Variants in AFAP1 observed in about 807,000 individuals in gnomAD.
AFAP1 encodes actin filament associated protein 1.
AFAP1 carries 75 observed loss-of-function variants against 93.9 expected under a neutral mutation model. That is an observed-to-expected ratio of 0.80 (90% CI 0.66 to 0.97). The LOEUF is 0.97. Among genes scored for constraint, AFAP1 ranks in the 50% least tolerant of loss-of-function variants. The pLI is 0.00. For synonymous variants in AFAP1, 517 were observed against 430.7 expected (o/e 1.20, Z -2.48); for missense variants, 1,201 against 1,050.8 (o/e 1.14, Z -1.98).
At chr4:7,862,043 C>CT (rs1715763717) in intron 3 of AFAP1, 1 of 152,214 alleles carries the variant, frequency 6.6e-6, no homozygotes, top group African/African-American at 2.4e-5. Flanking sequence ...CAAAACTTCA[C>CT]TGTTTCAGGC....
Position 7,875,428 on chromosome 4 carries a change from T to C in AFAP1, c.-2-3348A>G, listed in dbSNP as rs115566619. Among the ~76,000 whole-genome samples, 899 of 152,306 alleles carry C rather than the reference T, an allele frequency of 5.9e-3. 7 individuals carry two copies. Among genetic ancestry groups the C allele is most frequent in the African/African-American group, 0.019 (787 of 41,558 alleles). The stretch of plus-strand genomic sequence containing the variant: ...TTTCAATTAAGGTCTTTTTCATTAA[T>C]CAATTTCTTGATTCTAAGCAATCTC... On this transcript the variant is annotated intron_variant, in intron 1 of 17. Transcript: ENST00000420658.
At chr4:7,848,817 T>C (rs1241820432) in intron 4 of AFAP1, among the ~76,000 whole-genome samples, 3 of 152,210 alleles carry the variant, frequency 2.0e-5, no homozygotes, top group Admixed American at 6.5e-5. Context: ...ACTAGTTTCA[T>C]GGGCAGGAAT....
At chr4:7,909,644 G>T (rs574365194) in intron 1 of AFAP1, among the ~76,000 whole-genome samples, 1 of 152,098 alleles carries the variant, frequency 6.6e-6, no homozygotes, top group African/African-American at 2.4e-5. Context: ...GTTCCAAAGC[G>T]CAAGAGCCAT....
chr4:7,808,879 G>A (rs986787864), intron 9 of AFAP1, among the ~76,000 whole-genome samples: 13 of 152,058 alleles, frequency 8.5e-5, no homozygotes, highest in African/African-American at 2.7e-4. Flanking sequence ...CCCTTGCCAC[G>A]AGTAAAAGCT....
Position 7,793,782 on chromosome 4 carries a change from G to T in AFAP1, c.1311C>A (p.Leu437=). 1 of 1,565,776 alleles carries T rather than the reference G, an allele frequency of 6.4e-7. No individual in the cohort carries two copies. The highest frequency in any genetic ancestry group is 1.2e-5 in the South Asian group (1 of 86,826). The part of the protein sequence containing the change: ...EDMGRWIGIL[L]AETGSSTDPE... ...GGTCTGTGGACGATCCCGTCTCTGC[G>T]AGTAAAATCCCAATCCACCTGCCCA... is the stretch of plus-strand genomic sequence containing the variant. Residue 437 remains leucine, a synonymous_variant, in exon 11 of 18, where the codon CTC becomes CTA. Transcript: ENST00000420658.
intron 3 of AFAP1, among the ~76,000 whole-genome samples, chr4:7,858,412 A>C (rs114723369): frequency 0.017 from 2,547 of 152,274 alleles, 76 homozygotes; most frequent in African/African-American, 0.058. Context: ...CCACTCTCAA[A>C]TACCACTTAT....
At position 7,772,843 on chromosome 4, in the gene AFAP1, T is replaced by G; in HGVS notation, c.2230A>C (p.Lys744Gln). Reference protein sequence around the residue: ...GVTLGLAIEPKSGTSSPQSPV... With the variant: ...GVTLGLAIEPQSGTSSPQSPV... ...ACCTGTGGACTCGATGTCCCTGACT[T>G]GGGCTCGATGGCCAGCCCCAGGGTG... Residue 744 changes from lysine to glutamine, a missense_variant, in exon 16 of 18, where the codon AAG becomes CAG. Lys to Gln is a moderately conservative substitution (Grantham distance 53, BLOSUM62 1). Transcript: ENST00000420658. 1 of 1,613,974 alleles carries G rather than the reference T, an allele frequency of 6.2e-7. No individual in the cohort carries two copies. The highest frequency in any genetic ancestry group is 8.5e-7 in the Non-Finnish European group (1 of 1,179,970).
chr4:7,848,973 A>C (rs1465659705), intron 4 of AFAP1, among the ~76,000 whole-genome samples: 1 of 152,216 alleles, frequency 6.6e-6, no homozygotes, highest in Non-Finnish European at 1.5e-5. Context: ...CAGAGCCAGC[A>C]ACGGTGCCCT....
chr4:7,774,893 C>A lies in AFAP1; in HGVS notation c.1908G>T (p.Gln636His). ...CTACCCGGTTCTTGCCATACTTGTA[C>A]TGGGCAGCATCTTGAGAAGAAAAAA... ...VVKRTGSNAA[Q>H]YKYGKNRVEA... Residue 636 changes from glutamine (Q) to histidine (H), a missense_variant, in exon 15 of 18, where the codon CAG (glutamine) becomes CAT (histidine). Coordinates refer to ENST00000420658, the MANE Select transcript of AFAP1 (RefSeq NM_001134647.2). 6.2e-7 allele frequency: 1 copy of A among 1,613,044 alleles called. No individual in the cohort carries two copies. The highest frequency in any genetic ancestry group is 8.5e-7 in the Non-Finnish European group (1 of 1,179,824).
intron 1 of AFAP1, among the ~76,000 whole-genome samples, chr4:7,879,573 A>G (rs1202529534): frequency 6.6e-6 from 1 of 152,166 alleles, no homozygotes; most frequent in Non-Finnish European, 1.5e-5. Flanking sequence ...GGAATTTAGC[A>G]TTCCCAAAGT....
chr4:7,764,931 C>T (rs990141985), intron 17 of AFAP1, among the ~76,000 whole-genome samples: 13 of 152,146 alleles, frequency 8.5e-5, no homozygotes, highest in African/African-American at 3.1e-4. Context: ...CTTAGGGAGA[C>T]CCCAACTCTA....
At chr4:7,800,682 C>A (rs201077916) in intron 9 of AFAP1, 29 bp from the exon 10 acceptor site, 1 of 1,613,172 alleles carries the variant, frequency 6.2e-7, no homozygotes, top group East Asian at 2.2e-5. Flanking sequence ...ACAGGTCAGC[C>A]GCCTCGGACA....
intron 1 of AFAP1, among the ~76,000 whole-genome samples, chr4:7,900,349 AT>A: frequency 1.6e-4 from 1 of 6,080 alleles, no homozygotes; most frequent in South Asian, 2.5e-3. Flanking sequence ...CACATTTAGC[AT>A]TTAGCACATT....
intron 15 of AFAP1, chr4:7,774,330 A>C (rs1290562982): frequency 1.7e-5 from 3 of 172,408 alleles, no homozygotes; most frequent in African/African-American, 7.1e-5. Flanking sequence ...TGGACTTCTG[A>C]ATATTACTGA....
intron 1 of AFAP1, among the ~76,000 whole-genome samples, chr4:7,876,857 C>T (rs1167372339): frequency 6.6e-6 from 1 of 152,214 alleles, no homozygotes; most frequent in Non-Finnish European, 1.5e-5. Flanking sequence ...CCATAGCAGA[C>T]AGTTGTAATT....
chr4:7,782,879 TGA>T (rs1477193814), intron 12 of AFAP1, among the ~76,000 whole-genome samples: 1 of 152,218 alleles, frequency 6.6e-6, no homozygotes, highest in Non-Finnish European at 1.5e-5. Context: ...AACTCGGATA[TGA>T]GAGTTTCATA....
chr4:7,822,641 G>A (rs1329037096), intron 6 of AFAP1, among the ~76,000 whole-genome samples: 2 of 146,154 alleles, frequency 1.4e-5, no homozygotes, highest in Non-Finnish European at 3.0e-5. Flanking sequence ...CTGGAGTGCA[G>A]TGGCACGATC....
chr4:7,792,705 TCTC>T (rs1298899589), intron 11 of AFAP1, among the ~76,000 whole-genome samples: 3 of 152,202 alleles, frequency 2.0e-5, no homozygotes, highest in Non-Finnish European at 4.4e-5. Context: ...CTCTGTGGCC[TCTC>T]ATCACGCTAC....
At chr4:7,908,211 CA>C (rs149152593) in intron 1 of AFAP1, among the ~76,000 whole-genome samples, 85 of 139,852 alleles carry the variant, frequency 6.1e-4, no homozygotes, top group South Asian at 1.1e-3. Context: ...GACTCTGTCT[CA>C]AAAAAAAAAA....
Sources: allele counts gnomAD v4.1 joint callset (sites outside exome capture counted in the v4.1 genomes callset), GRCh38; gene constraint gnomAD v4.1.1; transcripts MANE v1.5; gene names NCBI Gene and HGNC (gene_info 2026-07-23, HGNC 2026-07-21).